Variants in LAMP3 observed in about 807,000 individuals in gnomAD.
LAMP3 encodes lysosome-associated membrane glycoprotein 3.
Under a neutral mutation model 34.8 loss-of-function variants are expected in LAMP3, and 26 were observed. The ratio of observed to expected loss-of-function variants is 0.75; its 90% CI spans 0.55 to 1.04. The LOEUF is 1.04. Ranked by LOEUF, LAMP3 falls within the 50% of genes least tolerant of loss-of-function variation. The pLI, the probability that LAMP3 is intolerant of heterozygous loss-of-function variation, is 0.00. For synonymous variants in LAMP3, 180 were observed against 201.9 expected, an observed-to-expected ratio of 0.89 and a Z score of 0.92; for missense variants, 495 against 524.0, an observed-to-expected ratio of 0.94 and a Z score of 0.54.
intron 5 of LAMP3, chr3:183,132,532 A>G (rs1349341069): frequency 3.0e-6 from 3 of 985,214 alleles, no homozygotes; most frequent in South Asian, 4.7e-5. Context: ...CACCCCACTC[A>G]TGTCTCTGCC....
intron 4 of LAMP3, among the ~76,000 whole-genome samples, chr3:183,137,070 C>G (rs929516814): frequency 2.6e-5 from 4 of 151,914 alleles, no homozygotes; most frequent in African/African-American, 7.3e-5. Context: ...GTAATCCCAG[C>G]ACTTTGGGAG....
chr3:183,151,399 C>T (rs115110319), intron 3 of LAMP3, among the ~76,000 whole-genome samples: 2,770 of 151,892 alleles, frequency 0.018, 87 homozygotes, highest in African/African-American at 0.065. Flanking sequence ...TGAGCATCCG[C>T]CACTTCCCGT....
At chr3:183,130,009 A>G (rs1169869786) in intron 5 of LAMP3, among the ~76,000 whole-genome samples, 1 of 152,192 alleles carries the variant, frequency 6.6e-6, no homozygotes, top group Non-Finnish European at 1.5e-5. Flanking sequence ...CAAGGAGAGA[A>G]GTTTCAGAAA....
rs547760093 is a variant in LAMP3 at position 183,128,844 on chromosome 3, C to T, written c.1118-4630G>A. ...GGTGTGAGCCACTAGGCCAGGCCTACTGTGACTTTTCTATTCCTGAAGGCT... is the reference window on the plus strand; with the variant it reads ...GGTGTGAGCCACTAGGCCAGGCCTATTGTGACTTTTCTATTCCTGAAGGCT... On this transcript the variant is annotated intron_variant, in intron 5 of 5. Transcript: ENST00000265598. Among the ~76,000 whole-genome samples, 17 of 152,222 alleles carry T rather than the reference C, an allele frequency of 1.1e-4. No homozygotes were observed. The East Asian group carries it at 3.3e-3, about 29-fold the overall frequency.
chr3:183,125,720 G>C (rs1294292910), intron 5 of LAMP3, among the ~76,000 whole-genome samples: 2 of 152,150 alleles, frequency 1.3e-5, no homozygotes, highest in East Asian at 3.8e-4. Context: ...AGACCTTTTG[G>C]AGTACATGAA....
At chr3:183,134,920 T>G (rs1390043506) in intron 5 of LAMP3, among the ~76,000 whole-genome samples, 1 of 152,238 alleles carries the variant, frequency 6.6e-6, no homozygotes, top group Non-Finnish European at 1.5e-5. Context: ...CCTGGTCATA[T>G]GTAGAAATCC....
chr3:183,122,406 A>C lies in LAMP3; in HGVS notation c.*1675T>G, dbSNP rs1719692323. ...TGTGGACTTTTCTGTTAACATCCTG[A>C]CTTAGTTCCTTTCTTTAGCAGCAAA... On this transcript the variant is annotated 3_prime_UTR_variant, in exon 6 of 6. Transcript: ENST00000265598. The C allele has an allele frequency of 6.6e-6, 1 of 152,178 alleles. No homozygotes were observed. The highest frequency in any genetic ancestry group is 1.5e-5 in the Non-Finnish European group (1 of 68,030). The allele number at this position is 152,178 out of a possible 1,614,324, so 9.4% of individuals were successfully genotyped here.
chr3:183,128,147 C>CAAA (rs56282591), intron 5 of LAMP3, among the ~76,000 whole-genome samples: 51 of 126,718 alleles, frequency 4.0e-4, no homozygotes, highest in African/African-American at 1.3e-3. Flanking sequence ...CACTCCATCT[C>CAAA]AAAAAAAAAA....
At chr3:183,130,483 A>T (rs576055381) in intron 5 of LAMP3, among the ~76,000 whole-genome samples, 16 of 152,058 alleles carry the variant, frequency 1.1e-4, no homozygotes, top group Admixed American at 7.9e-4. Context: ...ATTTAATTTC[A>T]AACTATTCTT....
chr3:183,150,097 A>G (rs1461090147), intron 3 of LAMP3, among the ~76,000 whole-genome samples: 2 of 152,132 alleles, frequency 1.3e-5, no homozygotes, highest in Non-Finnish European at 2.9e-5. Context: ...ATGGGCTGAG[A>G]GTGGCTCACT....
intron 3 of LAMP3, among the ~76,000 whole-genome samples, chr3:183,151,984 C>A (rs1284682691): frequency 6.6e-6 from 1 of 152,196 alleles, no homozygotes; most frequent in Non-Finnish European, 1.5e-5. Context: ...TTGGAAAGAA[C>A]CTGTTCTGAC....
intron 3 of LAMP3, among the ~76,000 whole-genome samples, chr3:183,145,395 C>G (rs1002122168): frequency 2.0e-5 from 3 of 152,194 alleles, no homozygotes; most frequent in African/African-American, 7.2e-5. Flanking sequence ...AAAATAAGCA[C>G]TCGTTGGCTC....
intron 5 of LAMP3, among the ~76,000 whole-genome samples, 155 bp from the exon 6 acceptor site, chr3:183,124,369 A>G (rs545680046): frequency 1.3e-5 from 2 of 152,326 alleles, no homozygotes; most frequent in East Asian, 3.8e-4. Context: ...CAGGTAATTT[A>G]CCCTTGCAAT....
chr3:183,125,933 G>C (rs1383794355), intron 5 of LAMP3, among the ~76,000 whole-genome samples: 1 of 152,100 alleles, frequency 6.6e-6, no homozygotes, highest in Non-Finnish European at 1.5e-5. Context: ...TTCCCAAAGT[G>C]CTGGGATTAC....
At chr3:183,126,672 A>T (rs1208222010) in intron 5 of LAMP3, among the ~76,000 whole-genome samples, 1 of 152,216 alleles carries the variant, frequency 6.6e-6, no homozygotes, top group Non-Finnish European at 1.5e-5. Context: ...GAAAAAGCAC[A>T]AACAAAAAAG....
At chr3:183,159,611 G>C (rs1720919161) in intron 1 of LAMP3, among the ~76,000 whole-genome samples, 1 of 152,212 alleles carries the variant, frequency 6.6e-6, no homozygotes, top group Admixed American at 6.5e-5. Context: ...GTGCAGCAGA[G>C]AGAGTCAAGG....
chr3:183,151,639 G>A (rs1576884963), intron 3 of LAMP3, among the ~76,000 whole-genome samples: 1 of 151,922 alleles, frequency 6.6e-6, no homozygotes. Flanking sequence ...TGTTGGCCAG[G>A]CTGGTCTCGA....
At position 183,124,024 on chromosome 3, in the gene LAMP3, T is replaced by G. The variant is rs1420501189; in HGVS notation, c.*57A>C. The G allele has an allele frequency of 2.5e-6, 4 of 1,591,674 alleles. No homozygotes were observed. The Admixed American group carries it at 6.7e-5, about 27-fold the overall frequency. On this transcript the variant is annotated 3_prime_UTR_variant, in exon 6 of 6. Transcript: ENST00000265598. The stretch of plus-strand genomic sequence containing the variant: ...TGAGGGAATTTCCCAACATCCATCC[T>G]GGAAGGGATGAAAGAGTTCTCTAAA...
intron 1 of LAMP3, chr3:183,161,821 T>C (rs1171442311): frequency 1.7e-5 from 5 of 285,756 alleles, no homozygotes; most frequent in Non-Finnish European, 2.1e-5. Context: ...TGATGATGAC[T>C]TCCTCTTCTG....
Sources: allele counts gnomAD v4.1 joint callset (sites outside exome capture counted in the v4.1 genomes callset), GRCh38; gene constraint gnomAD v4.1.1; transcripts MANE v1.5; gene names NCBI Gene and HGNC (gene_info 2026-07-23, HGNC 2026-07-21).